Variants in RPAP1 observed in about 807,000 individuals in gnomAD.
The protein encoded by RPAP1 is RNA polymerase II associated protein 1, also known as RNA polymerase II-associated protein 1.
RPAP1 carries 109 observed loss-of-function variants against 142.4 expected under a neutral mutation model. The observed-to-expected ratio is 0.77, with a 90% CI of 0.66 to 0.90. The LOEUF is 0.90. Ranked by LOEUF, RPAP1 falls within the 40% of genes least tolerant of loss-of-function variation. RPAP1 has a pLI of 0.00. For synonymous variants in RPAP1, 704 were observed against 738.9 expected (o/e 0.95, Z 0.77); for missense variants, 1,546 against 1,751.7 (o/e 0.88, Z 2.10).
Position 41,534,730 on chromosome 15 carries a change from C to T in RPAP1, c.747G>A (p.Arg249=), listed in dbSNP as rs2051890076. The stretch of plus-strand genomic sequence containing the variant: ...CACCCATACCAAGCTGGGCCAGCAA[C>T]CGCTGCTGTTCCTGCAGGATCTCCT... ...APEEILQEQQ[R]LLAQLDPSLV... is the part of the protein sequence containing the mutation. The change falls in exon 6 of 25, where the codon CGG becomes CGA. Residue 249 remains arginine, a synonymous_variant. Coordinates refer to ENST00000304330, the MANE Select transcript of RPAP1 (RefSeq NM_015540.4). 3 of 1,613,926 alleles carry T rather than the reference C, an allele frequency of 1.9e-6. No homozygotes were observed. The highest frequency in any genetic ancestry group is 2.5e-6 in the Non-Finnish European group (3 of 1,179,978).
intron 22 of RPAP1, among the ~76,000 whole-genome samples, chr15:41,519,063 A>G (rs1425264942): frequency 1.3e-5 from 2 of 151,946 alleles, no homozygotes; most frequent in Non-Finnish European, 1.5e-5. Flanking sequence ...TAATTTTCCA[A>G]TAATTTTTTG....
intron 7 of RPAP1, among the ~76,000 whole-genome samples, chr15:41,530,654 C>T (rs1047492336): frequency 6.6e-6 from 1 of 152,188 alleles, no homozygotes; most frequent in East Asian, 1.9e-4. Flanking sequence ...GCCCTGCCAT[C>T]TTTCCCCCAG....
Position 41,520,413 on chromosome 15 carries a change from G to A in RPAP1, c.3773C>T (p.Ala1258Val). 6.2e-7 allele frequency: 1 copy of A among 1,613,630 alleles called. No homozygotes were observed. The highest frequency in any genetic ancestry group is 8.5e-7 in the Non-Finnish European group (1 of 1,179,708). ...LFGEHVGALR[A>V]LSLPLTQLPV... ...TACCTGGGTCAGAGGCAGGCTCAGAGCTCGCAAGGCTCCCACGTGTTCCCC... is the reference window on the plus strand; with the variant it reads ...TACCTGGGTCAGAGGCAGGCTCAGAACTCGCAAGGCTCCCACGTGTTCCCC... Residue 1258 changes from alanine to valine, a missense_variant, in exon 22 of 25, where the codon GCT becomes GTT. Transcript: ENST00000304330.
rs765274625 is a variant in RPAP1 at position 41,518,090 on chromosome 15, G to A, written c.3888C>T (p.Leu1296=). Residue 1296 remains leucine (L), a synonymous_variant, in exon 23 of 25, where the codon CTC becomes CTT. Transcript: ENST00000304330. Reference sequence around the variant, plus strand: ...AGAGCACGGGGCACCAACGTGGGCGGAGCGCACCAGTAACCAGGGTCCGGA... The same window carrying A: ...AGAGCACGGGGCACCAACGTGGGCGAAGCGCACCAGTAACCAGGGTCCGGA... The part of the protein sequence containing the change: ...LYFRTLVTGA[L]RPRWCPVLYA... 4.9e-5 allele frequency: 79 copies of A among 1,609,864 alleles called. No individual in the cohort carries two copies. Among genetic ancestry groups the A allele is most frequent in the Non-Finnish European group, 6.3e-5 (74 of 1,178,978 alleles).
chr15:41,523,832 C>T lies in RPAP1; in HGVS notation c.2375G>A (p.Gly792Asp). 6.2e-7 allele frequency: 1 copy of T among 1,609,362 alleles called. No homozygotes were observed. Among genetic ancestry groups the T allele is most frequent in the Non-Finnish European group, 8.5e-7 (1 of 1,178,012 alleles). The change falls in exon 17 of 25, where the codon GGC becomes GAC. Residue 792 changes from glycine (G) to aspartate (D), a missense_variant. By Grantham distance (94) the Gly-to-Asp change is moderately conservative. This residue lies in a region of RPAP1 where 1,333 missense variants were observed against 1,486.6 expected (regional missense o/e 0.90). Transcript: ENST00000304330. ...LSRPEMWRAVGPVPVACLLFL... is the reference protein window; with the variant it reads ...LSRPEMWRAVDPVPVACLLFL... ...CAACAGGCAGGCAACGGGCACTGGG[C>T]CCACGGCTCTCCACATCTCAGGTCT...
intron 1 of RPAP1, among the ~76,000 whole-genome samples, chr15:41,538,114 GCAC>G (rs2051932266): frequency 2.0e-5 from 3 of 152,068 alleles, no homozygotes; most frequent in Non-Finnish European, 2.9e-5. Flanking sequence ...GTGGTGGCGG[GCAC>G]CTGTATTCCC....
chr15:41,519,181 T>C (rs1345329205), intron 22 of RPAP1, among the ~76,000 whole-genome samples: 2 of 151,564 alleles, frequency 1.3e-5, no homozygotes, highest in East Asian at 3.9e-4. Context: ...ATGAGCCACC[T>C]CACGCAGCCA....
In RPAP1 at chr15:41,527,021, C is replaced by T. The variant is rs562185135; in HGVS notation, c.1794G>A (p.Leu598=). The T allele has an allele frequency of 6.2e-7, 1 of 1,614,214 alleles. No individual in the cohort carries two copies. Among genetic ancestry groups the T allele is most frequent in the Non-Finnish European group, 8.5e-7 (1 of 1,180,038 alleles). ...RLIETIVREF[L]PTSWSPVGAG... The stretch of plus-strand genomic sequence containing the variant: ...CCCCCACAGGAGACCAACTGGTGGG[C>T]AAGAACTCTCGAACTATAGTCTCTA... Residue 598 remains leucine (L), a synonymous_variant, in exon 14 of 25, where the codon TTG becomes TTA. Transcript: ENST00000304330.
chr15:41,537,676 G>A (rs1385169567), intron 1 of RPAP1, among the ~76,000 whole-genome samples: 4 of 152,078 alleles, frequency 2.6e-5, no homozygotes, highest in Admixed American at 6.6e-5. Flanking sequence ...GAGGCCAGGA[G>A]TTCAAGACCA....
At chr15:41,533,864 G>A (rs1444433686) in intron 6 of RPAP1, among the ~76,000 whole-genome samples, 1 of 148,790 alleles carries the variant, frequency 6.7e-6, no homozygotes, top group Non-Finnish European at 1.5e-5. Flanking sequence ...CCTAGGCGCA[G>A]TGGCTCCAGC....
In RPAP1 at chr15:41,527,227, G is replaced by A. The variant is rs2140769918; in HGVS notation, c.1686C>T (p.Val562=). 1 of 1,614,200 alleles carries A rather than the reference G, an allele frequency of 6.2e-7. No homozygotes were observed. Among genetic ancestry groups the A allele is most frequent in the Non-Finnish European group, 8.5e-7 (1 of 1,180,044 alleles). ...GGATGAGCACAGCCAGGATGTCAAG[G>A]ACCACCGCAGGTCCTGGGTATGTCA... ...LEVTYPGPAV[V]LDILAVLIRL... The change falls in exon 13 of 25, where the codon GTC becomes GTT. Residue 562 remains valine, a synonymous_variant. Coordinates refer to ENST00000304330, the MANE Select transcript of RPAP1 (RefSeq NM_015540.4).
chr15:41,543,201 CTTTTTTT>C (rs71104794), intron 1 of RPAP1, among the ~76,000 whole-genome samples: 5 of 78,936 alleles, frequency 6.3e-5, no homozygotes, highest in African/African-American at 1.6e-4. Flanking sequence ...CAATGCTGTC[CTTTTTTT>C]TTTTTTTTTT....
chr15:41,534,101 A>C (rs965038839), intron 6 of RPAP1, among the ~76,000 whole-genome samples: 16 of 150,732 alleles, frequency 1.1e-4, no homozygotes, highest in African/African-American at 3.9e-4. Context: ...TAACCTGGGC[A>C]ACAAGACCGA....
Position 41,520,908 on chromosome 15 carries a change from G to T in RPAP1, c.3278C>A (p.Thr1093Lys), listed in dbSNP as rs748913456. The part of the protein sequence containing the change: ...RVPTLLLPMP[T>K]EPLLPTDWPF... ...CCAGTCGGTGGGCAGCAGCGGCTCC[G>T]TAGGCATGGGCAGTAGCAGGGTTGG... is the stretch of plus-strand genomic sequence containing the variant. The change falls in exon 22 of 25, where the codon ACG becomes AAG. Residue 1093 changes from threonine (T) to lysine (K), a missense_variant. Thr to Lys is a moderately conservative substitution (Grantham distance 78). Coordinates refer to ENST00000304330, the MANE Select transcript of RPAP1 (RefSeq NM_015540.4). The T allele has an allele frequency of 6.2e-7, 1 of 1,613,354 alleles. No individual in the cohort carries two copies. The highest frequency in any genetic ancestry group is 8.5e-7 in the Non-Finnish European group (1 of 1,179,930).
At chr15:41,535,027 A>G in intron 5 of RPAP1, 92 bp from the exon 6 acceptor site, 1 of 1,203,064 alleles carries the variant, frequency 8.3e-7, no homozygotes, top group Non-Finnish European at 1.2e-6. Context: ...TTAGCCCTGG[A>G]GACAGGTATA....
chr15:41,522,700 C>CAATAGT, intron 19 of RPAP1, 65 bp downstream of exon 19: 1 of 1,232,462 alleles, frequency 8.1e-7, no homozygotes, highest in Non-Finnish European at 1.1e-6. Context: ...CACCCTCCCA[C>CAATAGT]TTTCTTTCTG....
chr15:41,531,337 C>A (rs973889798), intron 6 of RPAP1, 135 bp from the exon 7 acceptor site: 13 of 852,844 alleles, frequency 1.5e-5, no homozygotes, highest in African/African-American at 8.4e-5. Context: ...TGGGCCTGAG[C>A]CTTCTGGGTG....
In RPAP1 at chr15:41,529,849, G is replaced by T. The variant is rs767980847; in HGVS notation, c.1059+15C>A. On this transcript the variant is annotated intron_variant, in intron 8 of 24. Transcript: ENST00000304330. ...TATCTCACCCACCCCTTGTAGGCCAGGTGGCCCTCCTCACCTCCTGTGTCT... is the reference window on the plus strand; with the variant it reads ...TATCTCACCCACCCCTTGTAGGCCATGTGGCCCTCCTCACCTCCTGTGTCT... 1 of 1,582,372 alleles carries T rather than the reference G, an allele frequency of 6.3e-7. No individual in the cohort carries two copies. Among genetic ancestry groups the T allele is most frequent in the Admixed American group, 1.7e-5 (1 of 58,044 alleles).
intron 1 of RPAP1, among the ~76,000 whole-genome samples, chr15:41,539,707 G>A (rs2051951906): frequency 1.3e-5 from 2 of 152,106 alleles, no homozygotes; most frequent in African/African-American, 4.8e-5. Context: ...TGGGATTACA[G>A]GCCTGAGCTA....
Sources: gnomAD v4.1 joint callset for allele counts (sites outside exome capture counted in the v4.1 genomes callset) on GRCh38, gnomAD v4.1.1 for gene constraint, gnomAD v4.1.1 regional missense constraint, MANE v1.5 for transcripts, NCBI Gene and HGNC (gene_info 2026-07-23, HGNC 2026-07-21) for gene names.